SLC9A4: variants seen among roughly 807,000 people sequenced by gnomAD.
SLC9A4 encodes the protein sodium/hydrogen exchanger 4.
In SLC9A4, 63 loss-of-function variants were observed where a neutral mutation model predicts 67.4. The ratio of observed to expected loss-of-function variants is 0.93; its 90% CI spans 0.76 to 1.15. The LOEUF (loss-of-function observed/expected upper bound fraction) is 1.15. SLC9A4 is among the 50% of genes most tolerant of loss of function. SLC9A4 has a pLI of 0.00. For missense variants in SLC9A4, 1,089 were observed against 987.7 expected (o/e 1.10, Z -1.38); for synonymous variants, 393 against 367.2 (o/e 1.07, Z -0.80).
At position 102,525,114 on chromosome 2, in the gene SLC9A4, G is replaced by A. The variant is rs145359827; in HGVS notation, c.1909G>A (p.Glu637Lys). ...GATCCGCCGCCAGAACACCTTAAGG[G>A]AGAGCATGAGGAAAGGTCACAGCCT... ...ILIRRQNTLR[E>K]SMRKGHSLPW... The change falls in exon 10 of 12, where the codon GAG becomes AAG. Residue 637 changes from glutamate (E) to lysine (K), a missense_variant. By Grantham distance (56) the Glu-to-Lys change is moderately conservative. Coordinates refer to ENST00000295269, the MANE Select transcript of SLC9A4 (RefSeq NM_001011552.4). 6 of 1,614,078 alleles carry A rather than the reference G, an allele frequency of 3.7e-6. No homozygotes were observed. In the Admixed American group the frequency reaches 8.3e-5, roughly 22 times the overall value.
intron 2 of SLC9A4, among the ~76,000 whole-genome samples, chr2:102,485,693 G>A (rs1341243077): frequency 6.6e-6 from 1 of 152,214 alleles, no homozygotes; most frequent in Non-Finnish European, 1.5e-5. Context: ...GAGGCGGCAA[G>A]CAGTGGGGAC....
At chr2:102,494,108 A>AATTATG (rs1281462265) in intron 2 of SLC9A4, among the ~76,000 whole-genome samples, 1 of 151,954 alleles carries the variant, frequency 6.6e-6, no homozygotes, top group African/African-American at 2.4e-5. Context: ...AAAGGCAATT[A>AATTATG]ATTATGATTA....
chr2:102,476,255 A>G (rs184455160), intron 1 of SLC9A4, among the ~76,000 whole-genome samples: 3 of 152,250 alleles, frequency 2.0e-5, no homozygotes, highest in African/African-American at 7.2e-5. Context: ...AACATCACAG[A>G]TGAATGTTTC....
intron 9 of SLC9A4, among the ~76,000 whole-genome samples, chr2:102,520,197 G>A (rs940942001): frequency 1.3e-5 from 2 of 152,180 alleles, no homozygotes; most frequent in Non-Finnish European, 1.5e-5. Context: ...CTAGGGGGCA[G>A]GCTGCCCTAG....
In SLC9A4 at chr2:102,503,696, C is replaced by G. The variant is rs182811002; in HGVS notation, c.969C>G (p.Ser323=). 3 of 1,614,112 alleles carry G rather than the reference C, an allele frequency of 1.9e-6. No homozygotes were observed. The African/African-American group carries it at 4.0e-5, about 22-fold the overall frequency. ...TAGCTGCTGAAACCCTCTATCTCTC[C>G]GGCATCCTGGCGTGAGTACAAACCA... is the stretch of plus-strand genomic sequence containing the variant. ...SYLAAETLYL[S]GILAITACAV... The change falls in exon 3 of 12, where the codon TCC becomes TCG. Residue 323 remains serine, a synonymous_variant. Transcript: ENST00000295269.
In SLC9A4 at chr2:102,529,633, T is replaced by C. The variant is rs116562110; in HGVS notation, c.2039-2697T>C. Among the ~76,000 whole-genome samples, 1,430 of 152,316 alleles carry C rather than the reference T, an allele frequency of 9.4e-3. 31 individuals are homozygous for C. Among genetic ancestry groups the C allele is most frequent in the African/African-American group, 0.033 (1,358 of 41,558 alleles). On this transcript the variant is annotated intron_variant, in intron 11 of 11. Coordinates refer to ENST00000295269, the MANE Select transcript of SLC9A4 (RefSeq NM_001011552.4). ...ATGTGTAATCAAGCACAATTGATCA[T>C]TGGAATCCTTCTCTCCAAACCCAAA...
At position 102,530,307 on chromosome 2, in the gene SLC9A4, G is replaced by A. The variant is rs574093575; in HGVS notation, c.2039-2023G>A. On this transcript the variant is annotated intron_variant, in intron 11 of 11. Coordinates refer to ENST00000295269, the MANE Select transcript of SLC9A4 (RefSeq NM_001011552.4). ...GAAGTTAAGGCTTTTGGTCAGGTGGGAGGTAAAAGAACACATACTCAGATT... is the reference window on the plus strand; with the variant it reads ...GAAGTTAAGGCTTTTGGTCAGGTGGAAGGTAAAAGAACACATACTCAGATT... Among the ~76,000 whole-genome samples, 11 of 152,244 alleles carry A rather than the reference G, an allele frequency of 7.2e-5. No individual in the cohort carries two copies. The East Asian group carries it at 2.1e-3, about 29-fold the overall frequency.
intron 1 of SLC9A4, among the ~76,000 whole-genome samples, chr2:102,474,230 G>C (rs530643063): frequency 1.3e-5 from 2 of 152,164 alleles, no homozygotes; most frequent in African/African-American, 2.4e-5. Flanking sequence ...GCATACTTCT[G>C]GGTACTGGGC....
At chr2:102,512,493 A>G (rs1474429899) in intron 7 of SLC9A4, among the ~76,000 whole-genome samples, 4 of 152,218 alleles carry the variant, frequency 2.6e-5, no homozygotes, top group African/African-American at 9.6e-5. Context: ...GTTGTTTCAG[A>G]GAGAACTGGT....
chr2:102,526,039 C>T (rs545092601), intron 10 of SLC9A4, among the ~76,000 whole-genome samples: 4 of 152,262 alleles, frequency 2.6e-5, no homozygotes, highest in South Asian at 2.1e-4. Context: ...AGGTGCCCGT[C>T]TCCACGCCCT....
rs556537052 is a variant in SLC9A4 at position 102,512,012 on chromosome 2, C to T, written c.1489-191C>T. Among the ~76,000 whole-genome samples, 11 of 152,182 alleles carry T rather than the reference C, an allele frequency of 7.2e-5. No homozygotes were observed. In the South Asian group the frequency reaches 1.9e-3, roughly 26 times the overall value. ...GAAACTTATCTACAGAGTCTTTAAA[C>T]CAAAGTTGAAATTACTATGAAATTA... On this transcript the variant is annotated intron_variant, in intron 6 of 11. Transcript: ENST00000295269.
rs142099091 is a variant in SLC9A4 at position 102,479,098 on chromosome 2, C to A, written c.516C>A (p.Gly172=). The part of the protein sequence containing the change: ...AVLGALINAL[G]IGLSLYLICQ... The stretch of plus-strand genomic sequence containing the variant: ...TGGGGGCCCTGATCAACGCCTTGGG[C>A]ATTGGCCTCTCCCTCTACCTCATCT... Residue 172 remains glycine (G), a synonymous_variant, in exon 2 of 12, where the codon GGC becomes GGA. Coordinates refer to ENST00000295269, the MANE Select transcript of SLC9A4 (RefSeq NM_001011552.4). The A allele has an allele frequency of 5.8e-5, 93 of 1,614,196 alleles. No individual in the cohort carries two copies. In the African/African-American group the frequency reaches 1.1e-3, roughly 19 times the overall value.
intron 2 of SLC9A4, among the ~76,000 whole-genome samples, chr2:102,486,717 G>A (rs76882276): frequency 0.093 from 14,195 of 152,142 alleles, 815 homozygotes; most frequent in Middle Eastern, 0.18. Flanking sequence ...TATGTAAGAT[G>A]AGAATGATTA....
At chr2:102,480,253 C>T (rs6729198) in intron 2 of SLC9A4, among the ~76,000 whole-genome samples, 2,159 of 152,166 alleles carry the variant, frequency 0.014, 52 homozygotes, top group African/African-American at 0.049. Flanking sequence ...GCATATACAA[C>T]ATTTTTGCAA....
At chr2:102,521,936 C>G (rs543461470) in intron 9 of SLC9A4, among the ~76,000 whole-genome samples, 1 of 152,302 alleles carries the variant, frequency 6.6e-6, no homozygotes, top group East Asian at 1.9e-4. Flanking sequence ...TGAGCTGGCC[C>G]TGCTGGGTCT....
rs150303662 is a variant in SLC9A4 at position 102,532,697 on chromosome 2, T to C, written c.*9T>C. ...TGCTCCAAAAAAAATAGTGTTATTGTCCACAAGATTGTTTTGGTGTTTCTC... is the reference window on the plus strand; with the variant it reads ...TGCTCCAAAAAAAATAGTGTTATTGCCCACAAGATTGTTTTGGTGTTTCTC... On this transcript the variant is annotated 3_prime_UTR_variant, in exon 12 of 12. Coordinates refer to ENST00000295269, the MANE Select transcript of SLC9A4 (RefSeq NM_001011552.4). 12 of 1,606,194 alleles carry C rather than the reference T, an allele frequency of 7.5e-6. No homozygotes were observed. Among genetic ancestry groups the C allele is most frequent in the African/African-American group, 1.3e-5 (1 of 74,696 alleles).
At chr2:102,486,492 A>G (rs1020371960) in intron 2 of SLC9A4, among the ~76,000 whole-genome samples, 1 of 152,194 alleles carries the variant, frequency 6.6e-6, no homozygotes, top group African/African-American at 2.4e-5. Flanking sequence ...GCACTTGAAC[A>G]GCATCTTGAG....
At chr2:102,494,267 G>A (rs1282315600) in intron 2 of SLC9A4, among the ~76,000 whole-genome samples, 2 of 151,762 alleles carry the variant, frequency 1.3e-5, no homozygotes, top group African/African-American at 4.9e-5. Context: ...TATATGAACT[G>A]GTATAATGTT....
intron 2 of SLC9A4, among the ~76,000 whole-genome samples, chr2:102,481,714 G>C (rs1391053637): frequency 6.6e-6 from 1 of 151,794 alleles, no homozygotes; most frequent in Non-Finnish European, 1.5e-5. Context: ...TTTAGATTAT[G>C]GTATATTTTA....
Sources: allele counts gnomAD v4.1 joint callset (sites outside exome capture counted in the v4.1 genomes callset), GRCh38; gene constraint gnomAD v4.1.1; transcripts MANE v1.5; gene names NCBI Gene and HGNC (gene_info 2026-07-23, HGNC 2026-07-21).